The following FRMD6 variants were observed in gnomAD, a reference collection of about 807,000 sequenced individuals.
The protein encoded by FRMD6 is FERM domain containing 6.
A neutral mutation model predicts 73.2 loss-of-function variants in FRMD6; 37 were observed. That is an observed-to-expected ratio of 0.51 (90% CI 0.39 to 0.66). FRMD6 has a LOEUF of 0.66. FRMD6 is among the 30% of genes least tolerant of loss of function. The pLI, the probability that FRMD6 is intolerant of heterozygous loss-of-function variation, is 0.00. For missense variants in FRMD6, 714 were observed against 780.5 expected, an observed-to-expected ratio of 0.91 and a Z score of 1.02; for synonymous variants, 273 against 282.2, an observed-to-expected ratio of 0.97 and a Z score of 0.33.
the FRMD6 span, among the ~76,000 whole-genome samples, chr14:51,484,015 G>A: frequency 6.6e-6 from 1 of 152,090 alleles, no homozygotes; most frequent in African/African-American, 2.4e-5. Flanking sequence ...TGCTATTTCC[G>A]TTACACCATG....
the FRMD6 span, chr14:51,436,257 A>G: frequency 8.0e-3 from 2,942 of 367,170 alleles, 32 homozygotes; most frequent in Middle Eastern, 0.034. Context: ...GAAATATAAC[A>G]AACTCCGTAA....
intron 1 of FRMD6, among the ~76,000 whole-genome samples, chr14:51,563,968 T>A (rs553367773): frequency 6.6e-6 from 1 of 152,362 alleles, no homozygotes; most frequent in African/African-American, 2.4e-5. Context: ...CTTTTACCTC[T>A]TGAAAACAAT....
At chr14:51,557,603 G>T (rs1253162780) in intron 1 of FRMD6, among the ~76,000 whole-genome samples, 2 of 152,090 alleles carry the variant, frequency 1.3e-5, no homozygotes, top group African/African-American at 4.8e-5. Flanking sequence ...GTACAACACG[G>T]TTACTAGAAT....
intron 13 of FRMD6, among the ~76,000 whole-genome samples, chr14:51,727,405 T>C (rs1898031604): frequency 1.3e-5 from 2 of 152,200 alleles, no homozygotes; most frequent in Non-Finnish European, 2.9e-5. Flanking sequence ...ATTCCTGTTG[T>C]ATTTGCACCT....
At chr14:51,684,805 A>C (rs1377537488) in intron 1 of FRMD6, among the ~76,000 whole-genome samples, 1 of 152,220 alleles carries the variant, frequency 6.6e-6, no homozygotes, top group Non-Finnish European at 1.5e-5. Flanking sequence ...ATGTATAGGA[A>C]GCCAAACAGC....
chr14:51,723,625 CA>C (rs746189282), intron 12 of FRMD6, among the ~76,000 whole-genome samples: 42,829 of 144,110 alleles, frequency 0.3, 6,396 homozygotes, highest in African/African-American at 0.4. Context: ...TACTAAAATG[CA>C]AAAAAAAAAA....
At chr14:51,669,239 T>C (rs1893827323) in intron 1 of FRMD6, among the ~76,000 whole-genome samples, 1 of 152,194 alleles carries the variant, frequency 6.6e-6, no homozygotes, top group South Asian at 2.1e-4. Context: ...GTAGTTCCTC[T>C]TTGTTGTTGG....
At chr14:51,493,995 T>A (rs998095515) in intron 1 of FRMD6, among the ~76,000 whole-genome samples, 1 of 152,134 alleles carries the variant, frequency 6.6e-6, no homozygotes, top group African/African-American at 2.4e-5. Context: ...CTCTAACTGG[T>A]GGAAGGTGCT....
At chr14:51,639,304 A>G (rs1227672964) in intron 2 of FRMD6, among the ~76,000 whole-genome samples, 5 of 151,950 alleles carry the variant, frequency 3.3e-5, no homozygotes, top group East Asian at 1.9e-4. Context: ...GCGTCGTGGC[A>G]GGCGCCTGTA....
At chr14:51,608,816 G>A (rs773085575) in intron 2 of FRMD6, among the ~76,000 whole-genome samples, 1 of 152,160 alleles carries the variant, frequency 6.6e-6, no homozygotes, top group Non-Finnish European at 1.5e-5. Context: ...TGATGGGGAG[G>A]AAGAGACAGT....
intron 1 of FRMD6, among the ~76,000 whole-genome samples, chr14:51,548,397 C>T (rs1422632527): frequency 6.6e-6 from 1 of 152,128 alleles, no homozygotes; most frequent in Non-Finnish European, 1.5e-5. Context: ...TGGCTTGTAG[C>T]CATCAGAATT....
intron 2 of FRMD6, among the ~76,000 whole-genome samples, chr14:51,627,330 G>A (rs1891156191): frequency 6.6e-6 from 1 of 152,300 alleles, no homozygotes; most frequent in Admixed American, 6.5e-5. Context: ...TATGTTTGTG[G>A]ATGAGATTAG....
the FRMD6 span, among the ~76,000 whole-genome samples, chr14:51,443,075 C>T: frequency 4.6e-5 from 7 of 152,320 alleles, no homozygotes; most frequent in Admixed American, 2.0e-4. Flanking sequence ...GGATTTTAAT[C>T]TTACGTGCAT....
intron 1 of FRMD6, among the ~76,000 whole-genome samples, chr14:51,559,903 A>G (rs1887383814): frequency 6.6e-6 from 1 of 152,214 alleles, no homozygotes; most frequent in Non-Finnish European, 1.5e-5. Flanking sequence ...CATAGGTAGA[A>G]AGAGAACTGG....
At chr14:51,559,363 C>T (rs115228846) in intron 1 of FRMD6, among the ~76,000 whole-genome samples, 229 of 152,306 alleles carry the variant, frequency 1.5e-3, no homozygotes, top group African/African-American at 5.3e-3. Flanking sequence ...GGTCCTTAGA[C>T]CAGCTGCATC....
chr14:51,675,132 G>T (rs191735841), intron 1 of FRMD6, among the ~76,000 whole-genome samples: 1 of 152,124 alleles, frequency 6.6e-6, no homozygotes, highest in Non-Finnish European at 1.5e-5. Context: ...GTAACTGGCA[G>T]ATTCATGGTA....
the FRMD6 span, among the ~76,000 whole-genome samples, chr14:51,465,671 A>G: frequency 2.0e-5 from 3 of 152,340 alleles, no homozygotes; most frequent in South Asian, 6.2e-4. Context: ...ATTCTATTGC[A>G]TGGATATACC....
intron 1 of FRMD6, among the ~76,000 whole-genome samples, chr14:51,561,481 GA>G (rs1175757577): frequency 6.6e-6 from 1 of 152,206 alleles, no homozygotes. Flanking sequence ...AGCAGCCGGG[GA>G]AGTATCTTCT....
intron 1 of FRMD6, among the ~76,000 whole-genome samples, chr14:51,560,003 A>G (rs1044527103): frequency 1.3e-5 from 2 of 152,182 alleles, no homozygotes; most frequent in African/African-American, 4.8e-5. Context: ...ATTCCTTTTT[A>G]AGACATTTCT....
Sources: allele counts gnomAD v4.1 joint callset (sites outside exome capture counted in the v4.1 genomes callset), GRCh38; gene constraint gnomAD v4.1.1; transcripts MANE v1.5; gene names NCBI Gene and HGNC (gene_info 2026-07-23, HGNC 2026-07-21).